Variants in CDH4 observed in about 807,000 individuals in gnomAD.
The protein encoded by CDH4 is cadherin-4.
A neutral mutation model predicts 86.0 loss-of-function variants in CDH4; 33 were observed. The ratio of observed to expected loss-of-function variants is 0.38; its 90% confidence interval spans 0.29 to 0.51. CDH4 has a LOEUF of 0.51. Among genes scored for constraint, CDH4 ranks in the 20% least tolerant of loss-of-function variants. The pLI is 0.86. For synonymous variants in CDH4, 555 were observed against 549.4 expected (o/e 1.01, Z -0.14); for missense variants, 1,114 against 1,307.4 (o/e 0.85, Z 2.28).
intron 2 of CDH4, among the ~76,000 whole-genome samples, chr20:61,670,568 G>C (rs1236734774): frequency 6.6e-6 from 1 of 152,210 alleles, no homozygotes; most frequent in East Asian, 1.9e-4. Flanking sequence ...GCCAAAAGAG[G>C]AGGGAAACAT....
chr20:61,781,721 C>A (rs1356829367), intron 4 of CDH4, among the ~76,000 whole-genome samples: 1 of 152,194 alleles, frequency 6.6e-6, no homozygotes, highest in African/African-American at 2.4e-5. Flanking sequence ...ATGATTGAGA[C>A]TTTCCCACAT....
intron 3 of CDH4, among the ~76,000 whole-genome samples, chr20:61,758,851 G>C (rs1321790821): frequency 1.3e-5 from 2 of 152,196 alleles, no homozygotes; most frequent in Non-Finnish European, 2.9e-5. Flanking sequence ...GGGCCCTCCA[G>C]CGTCTCAGCT....
intron 2 of CDH4, among the ~76,000 whole-genome samples, chr20:61,668,361 G>A (rs1405248139): frequency 6.6e-6 from 1 of 152,206 alleles, no homozygotes; most frequent in Non-Finnish European, 1.5e-5. Context: ...AGCCGCAGAG[G>A]ATGCACCTGC....
intron 4 of CDH4, among the ~76,000 whole-genome samples, chr20:61,784,190 G>GA (rs553325880): frequency 5.0e-4 from 1 of 1,992 alleles, no homozygotes; most frequent in Non-Finnish European, 1.3e-3. Flanking sequence ...GCCCCCAGGA[G>GA]AATGTAAGCC....
chr20:61,406,002 C>T (rs953945572), intron 2 of CDH4, among the ~76,000 whole-genome samples: 5 of 152,212 alleles, frequency 3.3e-5, no homozygotes, highest in Admixed American at 6.5e-5. Context: ...AATTGATGAA[C>T]TTAATCACGT....
chr20:61,568,914 CTCAG>C (rs2086321253), intron 2 of CDH4, among the ~76,000 whole-genome samples: 1 of 152,176 alleles, frequency 6.6e-6, no homozygotes. Flanking sequence ...GACTTTTCTG[CTCAG>C]TCAAAGGTGC....
chr20:61,757,752 G>A (rs992863740), intron 3 of CDH4, among the ~76,000 whole-genome samples: 3 of 152,198 alleles, frequency 2.0e-5, no homozygotes, highest in Non-Finnish European at 4.4e-5. Flanking sequence ...GATAAAAGTG[G>A]GCCATGCCGG....
Position 61,326,829 on chromosome 20 carries a change from C to G in CDH4, c.169+71892C>G, listed in dbSNP as rs572712748. Among the ~76,000 whole-genome samples the G allele has an allele frequency of 1.2e-4, 18 of 152,246 alleles. 1 individual carries two copies. In the East Asian group the frequency reaches 3.3e-3, roughly 28 times the overall value. On this transcript the variant is annotated intron_variant, in intron 2 of 15. Transcript: ENST00000614565. ...GGTGGATAGAAGGCACTGGTAAATG[C>G]AAGATGTGTTACTTCTTACGACTTC... is the stretch of plus-strand genomic sequence containing the variant.
intron 2 of CDH4, among the ~76,000 whole-genome samples, chr20:61,424,336 A>G (rs2085199194): frequency 1.3e-5 from 2 of 151,156 alleles, no homozygotes; most frequent in Admixed American, 6.6e-5. Flanking sequence ...ACACACATGT[A>G]TCCAAACACA....
At position 61,762,347 on chromosome 20, in the gene CDH4, C is replaced by T. The variant is rs1269177261; in HGVS notation, c.397-10656C>T. On this transcript the variant is annotated intron_variant, in intron 3 of 15. Coordinates refer to ENST00000614565, the MANE Select transcript of CDH4 (RefSeq NM_001794.5). ...AAAGTTCTGCTCTCTGAGCTGAATT[C>T]TCTCATGATGATTAACTTTCTCATT... is the stretch of plus-strand genomic sequence containing the variant. 4.6e-5 allele frequency among the ~76,000 whole-genome samples: 7 copies of T among 152,238 alleles called. No homozygotes were observed. In the East Asian group the frequency reaches 1.3e-3, roughly 29 times the overall value.
intron 2 of CDH4, among the ~76,000 whole-genome samples, chr20:61,440,180 T>C (rs2085306791): frequency 6.6e-6 from 1 of 152,152 alleles, no homozygotes; most frequent in Non-Finnish European, 1.5e-5. Context: ...GCAGCCACAA[T>C]TATTGAGAAA....
At chr20:61,755,409 C>G (rs1030082902) in intron 3 of CDH4, among the ~76,000 whole-genome samples, 1 of 149,082 alleles carries the variant, frequency 6.7e-6, no homozygotes, top group Non-Finnish European at 1.5e-5. Context: ...ACACCACACA[C>G]ACCATACACA....
Position 61,775,405 on chromosome 20 carries a change from C to T in CDH4, c.576+2223C>T, listed in dbSNP as rs183762674. Reference sequence around the variant, plus strand: ...CCACCCCCACATTGCCCCTGGTAGACAGTCATCGATCTTACTCTGGGGTCA... The same window carrying T: ...CCACCCCCACATTGCCCCTGGTAGATAGTCATCGATCTTACTCTGGGGTCA... On this transcript the variant is annotated intron_variant, in intron 4 of 15. Transcript: ENST00000614565. 5.9e-5 allele frequency among the ~76,000 whole-genome samples: 9 copies of T among 152,172 alleles called. No homozygotes were observed. In the East Asian group the frequency reaches 1.5e-3, roughly 26 times the overall value.
At chr20:61,711,093 G>A (rs1183657907) in intron 2 of CDH4, among the ~76,000 whole-genome samples, 6 of 152,132 alleles carry the variant, frequency 3.9e-5, no homozygotes, top group African/African-American at 1.4e-4. Flanking sequence ...GGATCATAGG[G>A]GCAGTTCCCC....
chr20:61,306,040 C>G (rs192447929), intron 2 of CDH4, among the ~76,000 whole-genome samples: 1 of 152,176 alleles, frequency 6.6e-6, no homozygotes, highest in Non-Finnish European at 1.5e-5. Flanking sequence ...AAGTACAGTT[C>G]AGAGTTCAAG....
intron 2 of CDH4, among the ~76,000 whole-genome samples, chr20:61,353,168 C>T (rs1436463294): frequency 6.6e-6 from 1 of 152,138 alleles, no homozygotes; most frequent in African/African-American, 2.4e-5. Context: ...CAGGTTTCCA[C>T]CTGTGGAAAG....
intron 2 of CDH4, among the ~76,000 whole-genome samples, chr20:61,493,782 A>G (rs1011965748): frequency 6.6e-6 from 1 of 151,826 alleles, no homozygotes; most frequent in Non-Finnish European, 1.5e-5. Flanking sequence ...TTCACTCCCA[A>G]CCCTCTAGGG....
chr20:61,746,130 C>T (rs1477365312), intron 3 of CDH4, among the ~76,000 whole-genome samples: 1 of 152,140 alleles, frequency 6.6e-6, no homozygotes, highest in African/African-American at 2.4e-5. Context: ...GCCCCCAAAT[C>T]GTGAGCCCCA....
chr20:61,686,678 C>T (rs1481774286), intron 2 of CDH4, among the ~76,000 whole-genome samples: 2 of 141,530 alleles, frequency 1.4e-5, no homozygotes, highest in African/African-American at 2.7e-5. Flanking sequence ...TGTGCGTGTG[C>T]ATTTGTGTGT....
Sources: gnomAD v4.1 joint callset for allele counts (sites outside exome capture counted in the v4.1 genomes callset) on GRCh38, gnomAD v4.1.1 for gene constraint, MANE v1.5 for transcripts, NCBI Gene and HGNC (gene_info 2026-07-23, HGNC 2026-07-21) for gene names.